ITPR1: variants seen among roughly 807,000 people sequenced by gnomAD.
The protein encoded by ITPR1 is inositol 1,4,5-trisphosphate receptor type 1.
In ITPR1, 96 loss-of-function variants were observed where a neutral mutation model predicts 318.4. The ratio of observed to expected loss-of-function variants is 0.30; its 90% CI spans 0.26 to 0.36. The LOEUF is 0.36. Ranked by LOEUF, ITPR1 falls within the 10% of genes least tolerant of loss-of-function variation. The pLI, the probability that ITPR1 is intolerant of heterozygous loss-of-function variation, is 1.00. For synonymous variants in ITPR1, 1,312 were observed against 1,289.9 expected (o/e 1.02, Z -0.37); for missense variants, 2,440 against 3,460.2 (o/e 0.71, Z 7.40).
chr3:4,528,345 T>C (rs1450456828), intron 4 of ITPR1, among the ~76,000 whole-genome samples: 1 of 152,212 alleles, frequency 6.6e-6, no homozygotes, highest in Non-Finnish European at 1.5e-5. Flanking sequence ...AGATGAGTGC[T>C]GGTAATAGCC....
intron 14 of ITPR1, 140 bp downstream of exon 14, chr3:4,661,227 A>T (rs1339110561): frequency 5.6e-6 from 3 of 535,154 alleles, no homozygotes; most frequent in African/African-American, 3.8e-5. Flanking sequence ...CTTGAATGTG[A>T]CAAAAGAATA....
chr3:4,574,037 C>T (rs531016236), intron 4 of ITPR1, among the ~76,000 whole-genome samples: 4 of 152,242 alleles, frequency 2.6e-5, no homozygotes, highest in South Asian at 2.1e-4. Context: ...TTGGCCATGG[C>T]GACAGAGGTG....
At chr3:4,523,950 A>G (rs1053506936) in intron 4 of ITPR1, among the ~76,000 whole-genome samples, 9 of 152,360 alleles carry the variant, frequency 5.9e-5, no homozygotes, top group Admixed American at 5.2e-4. Flanking sequence ...AACTCCTTTT[A>G]CAGCCTGGCC....
rs1006297623 is a variant in ITPR1 at position 4,720,451 on chromosome 3, G to A, written c.5136+3052G>A. 3.3e-5 allele frequency among the ~76,000 whole-genome samples: 5 copies of A among 152,340 alleles called. No homozygotes were observed. In the East Asian group the frequency reaches 5.8e-4, roughly 18 times the overall value. ...CACTAATCAAACGGATAGTTCCAGC[G>A]AAGTACTCCCGAGGTGGTGAGCAGA... On this transcript the variant is annotated intron_variant, in intron 40 of 61. Transcript: ENST00000649015.
rs545279817 is a variant in ITPR1, at chr3:4,604,801, A to G, written c.164-22962A>G. 9.2e-5 allele frequency among the ~76,000 whole-genome samples: 14 copies of G among 152,226 alleles called. No individual in the cohort carries two copies. In the South Asian group the frequency reaches 1.9e-3, roughly 20 times the overall value. On this transcript the variant is annotated intron_variant, in intron 4 of 61. Coordinates refer to ENST00000649015, the MANE Select transcript of ITPR1 (RefSeq NM_001378452.1). ...GGAATGCAGAGAGAGGCCTCTAGCA[A>G]TGGCAGGCTTATGTCCAAAATGCCT... is the stretch of plus-strand genomic sequence containing the variant.
chr3:4,630,397 C>T (rs912477297), intron 5 of ITPR1, among the ~76,000 whole-genome samples: 16 of 152,204 alleles, frequency 1.1e-4, no homozygotes, highest in Admixed American at 2.6e-4. Flanking sequence ...AAGTCTAAAT[C>T]CCTAAAGTGT....
intron 4 of ITPR1, among the ~76,000 whole-genome samples, chr3:4,557,150 C>T (rs1358915175): frequency 6.6e-6 from 1 of 152,152 alleles, no homozygotes; most frequent in Non-Finnish European, 1.5e-5. Flanking sequence ...ATACCCGAGA[C>T]TGGGTAATTT....
intron 44 of ITPR1, among the ~76,000 whole-genome samples, chr3:4,761,786 CT>C (rs2045469648): frequency 6.6e-6 from 1 of 152,168 alleles, no homozygotes; most frequent in Non-Finnish European, 1.5e-5. Flanking sequence ...CCCACCTTCT[CT>C]GCTCTCAGCT....
At chr3:4,627,188 T>A (rs2092858190) in intron 4 of ITPR1, among the ~76,000 whole-genome samples, 1 of 152,148 alleles carries the variant, frequency 6.6e-6, no homozygotes, top group Non-Finnish European at 1.5e-5. Flanking sequence ...AAAATACTTG[T>A]ATGCATTGTT....
At chr3:4,827,713 T>A (rs1465156397) in intron 60 of ITPR1, among the ~76,000 whole-genome samples, 1 of 152,140 alleles carries the variant, frequency 6.6e-6, no homozygotes, top group Non-Finnish European at 1.5e-5. Context: ...GGATAGGAGT[T>A]CGTGAAATAT....
chr3:4,603,626 C>T (rs909790595), intron 4 of ITPR1, among the ~76,000 whole-genome samples: 27 of 152,124 alleles, frequency 1.8e-4, no homozygotes, highest in Admixed American at 4.6e-4. Flanking sequence ...GACAGGGTTT[C>T]ACCCTGTTGG....
At chr3:4,734,759 G>A (rs1200082658) in intron 43 of ITPR1, among the ~76,000 whole-genome samples, 1 of 152,226 alleles carries the variant, frequency 6.6e-6, no homozygotes, top group African/African-American at 2.4e-5. Context: ...GAGCTAAAGT[G>A]ATCATTATAG....
intron 4 of ITPR1, among the ~76,000 whole-genome samples, chr3:4,571,197 A>G (rs1361490647): frequency 6.6e-6 from 1 of 152,310 alleles, no homozygotes; most frequent in Non-Finnish European, 1.5e-5. Flanking sequence ...TGGCATTACA[A>G]AGTTTCATGT....
chr3:4,688,161 G>C (rs2094426417), intron 30 of ITPR1, among the ~76,000 whole-genome samples: 1 of 152,220 alleles, frequency 6.6e-6, no homozygotes, highest in East Asian at 1.9e-4. Context: ...TGGGATTACA[G>C]GTATGAGCCA....
intron 59 of ITPR1, among the ~76,000 whole-genome samples, chr3:4,815,609 C>T (rs919934959): frequency 4.6e-5 from 7 of 151,962 alleles, no homozygotes; most frequent in East Asian, 1.9e-4. Flanking sequence ...ACTATAGGCA[C>T]GGGAGGAGAA....
rs948006573 is a variant in ITPR1 at position 4,725,484 on chromosome 3, T to G, written c.5137-62T>G. On this transcript the variant is annotated intron_variant, in intron 40 of 61. Transcript: ENST00000649015. ...TGTCCTTGAGTGTTGGTCTCTGGAC[T>G]TCTCTGTGGCCCACGAGATGCAAGT... 2.9e-6 allele frequency: 4 copies of G among 1,387,230 alleles called. No individual in the cohort carries two copies. The Admixed American group carries it at 6.7e-5, about 23-fold the overall frequency. The allele number at this position is 1,387,230 out of a possible 1,614,324, so 85.9% of individuals were successfully genotyped here.
intron 45 of ITPR1, among the ~76,000 whole-genome samples, chr3:4,767,547 C>T (rs1278952212): frequency 6.6e-6 from 1 of 152,244 alleles, no homozygotes. Context: ...TTGGCTCTGT[C>T]TCACTCTGTT....
At chr3:4,593,192 G>A (rs1158932030) in intron 4 of ITPR1, among the ~76,000 whole-genome samples, 2 of 152,164 alleles carry the variant, frequency 1.3e-5, no homozygotes, top group South Asian at 4.1e-4. Flanking sequence ...CATTGCTATG[G>A]CACTTGGAAC....
At chr3:4,633,145 C>T (rs897524457) in intron 5 of ITPR1, among the ~76,000 whole-genome samples, 1 of 151,942 alleles carries the variant, frequency 6.6e-6, no homozygotes, top group African/African-American at 2.4e-5. Flanking sequence ...ACCATTTTGG[C>T]CAGGATGGTC....
Sources: gnomAD v4.1 joint callset for allele counts (sites outside exome capture counted in the v4.1 genomes callset) on GRCh38, gnomAD v4.1.1 for gene constraint, MANE v1.5 for transcripts, NCBI Gene and HGNC (gene_info 2026-07-23, HGNC 2026-07-21) for gene names.